SLC28A1: variants seen among roughly 807,000 people sequenced by gnomAD.
SLC28A1 encodes solute carrier family 28 member 1.
SLC28A1 carries 64 observed loss-of-function variants against 74.8 expected under a neutral mutation model. The ratio of observed to expected loss-of-function variants is 0.86; its 90% CI spans 0.70 to 1.05. The LOEUF (loss-of-function observed/expected upper bound fraction) is 1.05. Ranked by LOEUF, SLC28A1 falls within the 50% of genes least tolerant of loss-of-function variation. The pLI, the probability that SLC28A1 is intolerant of heterozygous loss-of-function variation, is 0.00. For synonymous variants in SLC28A1, 359 were observed against 335.0 expected (o/e 1.07, Z -0.78); for missense variants, 828 against 822.8 (o/e 1.01, Z -0.08).
intron 12 of SLC28A1, among the ~76,000 whole-genome samples, chr15:84,931,368 T>C (rs1452419098): frequency 2.0e-5 from 3 of 151,918 alleles, no homozygotes; most frequent in African/African-American, 7.3e-5. Flanking sequence ...TGTGGACATT[T>C]TGAGAGATAC....
downstream of SLC28A1, among the ~76,000 whole-genome samples, chr15:84,950,740 C>T (rs2079392236): frequency 6.6e-6 from 1 of 152,008 alleles, no homozygotes; most frequent in African/African-American, 2.4e-5. Context: ...TCTCAACCTT[C>T]CTGGGTTAGG....
chr15:84,923,985 A>G lies in SLC28A1; in HGVS notation c.958A>G (p.Thr320Ala). 1 of 1,613,982 alleles carries G rather than the reference A, an allele frequency of 6.2e-7. No homozygotes were observed. Among genetic ancestry groups the G allele is most frequent in the Non-Finnish European group, 8.5e-7 (1 of 1,180,008 alleles). The stretch of plus-strand genomic sequence containing the variant: ...TGTCTGACATCTTTCCTGTTTGCAG[A>G]CCGAGGCTCCATTACTGATCCGGCC... ...SVAGNIFVSQ[T>A]EAPLLIRPYL... Residue 320 changes from threonine (T) to alanine (A), a missense_variant and splice_region_variant, in exon 12 of 19, where the codon ACC becomes GCC. Coordinates refer to ENST00000394573, the MANE Select transcript of SLC28A1 (RefSeq NM_004213.5).
At chr15:84,912,799 C>CGCGCGCAT (rs1555449058) in intron 9 of SLC28A1, among the ~76,000 whole-genome samples, 1 of 56,042 alleles carries the variant, frequency 1.8e-5, no homozygotes, top group African/African-American at 4.8e-5. Flanking sequence ...CCAAATTTTG[C>CGCGCGCAT]GCGCGCGCAC....
At chr15:84,952,192 A>C in the SLC28A1 span, among the ~76,000 whole-genome samples, 1 of 152,180 alleles carries the variant, frequency 6.6e-6, no homozygotes, top group East Asian at 1.9e-4. Context: ...AAACACTGCA[A>C]ATTATGTTGA....
the SLC28A1 span, chr15:84,975,642 T>C: frequency 9.1e-6 from 4 of 438,868 alleles, no homozygotes; most frequent in African/African-American, 8.2e-5. Context: ...TTTAAGAGTC[T>C]TTGAAAAGAA....
chr15:84,905,967 C>CTG (rs1207302408), intron 8 of SLC28A1, among the ~76,000 whole-genome samples: 25 of 148,964 alleles, frequency 1.7e-4, no homozygotes, highest in Admixed American at 4.0e-4. Flanking sequence ...TGATTTACTT[C>CTG]TGTGTGTGTG....
At chr15:84,895,726 C>A in intron 6 of SLC28A1, 1 of 1,302,088 alleles carries the variant, frequency 7.7e-7, no homozygotes, top group Non-Finnish European at 9.8e-7. Flanking sequence ...TTTTATAAGC[C>A]AAGGTTCACA....
At position 84,899,946 on chromosome 15, in the gene SLC28A1, AG is replaced by A. The variant is rs1471883092; in HGVS notation, c.462-4149del. Among the ~76,000 whole-genome samples, 656 of 134,958 alleles carry A rather than the reference AG, an allele frequency of 4.9e-3. 3 individuals carry two copies. The highest frequency in any genetic ancestry group is 0.016 in the African/African-American group (625 of 38,624). The allele number at this position is 134,958 out of a possible 152,430, so 88.5% of individuals were successfully genotyped here. Reference sequence around the variant, plus strand: ...AAGAGGGAAAGAAAGAAAGAAAGGAAGGAAGGAAGGAAGGAAGGAAAGAAGG... The same window carrying A: ...AAGAGGGAAAGAAAGAAAGAAAGGAAGAAGGAAGGAAGGAAGGAAAGAAGG... On this transcript the variant is annotated intron_variant, in intron 6 of 18. Transcript: ENST00000394573.
intron 1 of SLC28A1, among the ~76,000 whole-genome samples, chr15:84,885,818 C>T (rs2141602526): frequency 6.6e-6 from 1 of 151,812 alleles, no homozygotes; most frequent in African/African-American, 2.4e-5. Flanking sequence ...CTTTAACTTC[C>T]CTCATTCTGT....
chr15:84,973,533 G>A, the SLC28A1 span, among the ~76,000 whole-genome samples: 2 of 152,156 alleles, frequency 1.3e-5, no homozygotes, highest in Non-Finnish European at 2.9e-5. Context: ...ACAGTTCTAA[G>A]AAGGATGAGT....
At chr15:84,924,549 C>G (rs879826022) in intron 12 of SLC28A1, among the ~76,000 whole-genome samples, 1 of 152,136 alleles carries the variant, frequency 6.6e-6, no homozygotes, top group African/African-American at 2.4e-5. Flanking sequence ...GGGCTCAAGT[C>G]CTGCCTCTGC....
chr15:84,892,192 A>G (rs2141661520), intron 5 of SLC28A1, among the ~76,000 whole-genome samples: 1 of 152,258 alleles, frequency 6.6e-6, no homozygotes, highest in East Asian at 1.9e-4. Flanking sequence ...TCTACAAAAA[A>G]TTTTAAAAAT....
At chr15:84,949,267 C>G (rs1030226884), downstream of SLC28A1, among the ~76,000 whole-genome samples, 1 of 152,176 alleles carries the variant, frequency 6.6e-6, no homozygotes, top group Non-Finnish European at 1.5e-5. Context: ...GAAGCCAGAA[C>G]ACAGCATGGT....
chr15:84,962,032 C>G, the SLC28A1 span, among the ~76,000 whole-genome samples: 1 of 151,964 alleles, frequency 6.6e-6, no homozygotes, highest in African/African-American at 2.4e-5. Context: ...GTTGGTGGGT[C>G]TTTCTGTCTT....
chr15:84,961,056 G>C, the SLC28A1 span, among the ~76,000 whole-genome samples: 1 of 152,080 alleles, frequency 6.6e-6, no homozygotes, highest in African/African-American at 2.4e-5. Context: ...GTGTGTCCTC[G>C]GGCAAGATAA....
intron 6 of SLC28A1, among the ~76,000 whole-genome samples, chr15:84,898,352 G>A (rs1966238880): frequency 6.6e-6 from 1 of 152,188 alleles, no homozygotes; most frequent in Admixed American, 6.5e-5. Flanking sequence ...GGCGAGGTGG[G>A]TAGATCACGA....
chr15:84,884,675 G>C lies in SLC28A1; in HGVS notation c.-209G>C, dbSNP rs1465932988. On this transcript the variant is annotated 5_prime_UTR_variant, in exon 1 of 19. Coordinates refer to ENST00000394573, the MANE Select transcript of SLC28A1 (RefSeq NM_004213.5). ...GATTAGGGCCCACAACGATGTGAAGGTTATAAGCTGCACTGCATGGTTGCT... is the reference window on the plus strand; with the variant it reads ...GATTAGGGCCCACAACGATGTGAAGCTTATAAGCTGCACTGCATGGTTGCT... 2 of 983,210 alleles carry C rather than the reference G, an allele frequency of 2.0e-6. No individual in the cohort carries two copies. The highest frequency in any genetic ancestry group is 1.7e-5 in the African/African-American group (1 of 57,188). The allele number at this position is 983,210 out of a possible 1,614,324, so 60.9% of individuals were successfully genotyped here.
intron 12 of SLC28A1, among the ~76,000 whole-genome samples, chr15:84,926,364 A>AT (rs35383548): frequency 0.57 from 74,113 of 130,274 alleles, 20,857 homozygotes; most frequent in Middle Eastern, 0.78. Context: ...ACCCCTGGCT[A>AT]TTTTTTTTTT....
chr15:84,923,912 CTG>C lies in SLC28A1; in HGVS notation c.958-70_958-69del, dbSNP rs1156992658. The stretch of plus-strand genomic sequence containing the variant: ...TTACCGTGGGACTCCCAGCTGCTCA[CTG>C]TGACCTGTGAAGGGAGAGGATGTGC... On this transcript the variant is annotated intron_variant, in intron 11 of 18. Coordinates refer to ENST00000394573, the MANE Select transcript of SLC28A1 (RefSeq NM_004213.5). 4 of 1,607,190 alleles carry C rather than the reference CTG, an allele frequency of 2.5e-6. No homozygotes were observed. In the African/African-American group the frequency reaches 5.3e-5, roughly 21 times the overall value.
Sources: gnomAD v4.1 joint callset for allele counts (sites outside exome capture counted in the v4.1 genomes callset) on GRCh38, gnomAD v4.1.1 for gene constraint, MANE v1.5 for transcripts, NCBI Gene and HGNC (gene_info 2026-07-23, HGNC 2026-07-21) for gene names.